OR51B5: variants seen among roughly 807,000 people sequenced by gnomAD.
OR51B5 encodes olfactory receptor family 51 subfamily B member 5.
For missense variants in OR51B5, 456 were observed against 374.6 expected (o/e 1.22, Z -1.79); for synonymous variants, 186 against 144.8 (o/e 1.28, Z -2.04).
In OR51B5 at chr11:5,422,821, CATT is replaced by C. The variant is rs1333538982; in HGVS notation, n.85-75914_85-75912del. 3.7e-6 allele frequency: 6 copies of C among 1,614,008 alleles called. No homozygotes were observed. The African/African-American group carries it at 8.0e-5, about 22-fold the overall frequency. On this transcript the variant is annotated intron_variant and non_coding_transcript_variant, in intron 1 of 4. Transcript: ENST00000415970. ...GGTATGGATTTGCTCTTGCCTTGCT[CATT>C]ATTATCGTGGATCCTCTGCTCATTG...
intron 1 of OR51B5, among the ~76,000 whole-genome samples, chr11:5,460,626 T>G (rs2467217): frequency 0.32 from 48,215 of 152,012 alleles, 7,751 homozygotes; most frequent in East Asian, 0.43. Context: ...GGGAGCTGGT[T>G]CAGTCACTGG....
chr11:5,348,134 G>C (rs923431947), upstream of OR51B5, among the ~76,000 whole-genome samples: 1 of 152,062 alleles, frequency 6.6e-6, no homozygotes, highest in Non-Finnish European at 1.5e-5. Context: ...ATATGTAGTA[G>C]GCATGGGTCC....
At chr11:5,422,993 C>T (rs376977023) in intron 1 of OR51B5, 35 of 1,614,004 alleles carry the variant, frequency 2.2e-5, no homozygotes, top group African/African-American at 1.1e-4. Context: ...TATGACTCAT[C>T]GCTTTGCCAA....
chr11:5,433,877 T>C (rs1197215136), intron 1 of OR51B5, among the ~76,000 whole-genome samples: 4 of 151,960 alleles, frequency 2.6e-5, no homozygotes, highest in Non-Finnish European at 4.4e-5. Context: ...ACAAGAGCAA[T>C]GTAATTATGA....
At chr11:5,394,788 C>A (rs1173669825) in intron 1 of OR51B5, among the ~76,000 whole-genome samples, 3 of 152,158 alleles carry the variant, frequency 2.0e-5, no homozygotes, top group African/African-American at 7.2e-5. Context: ...TTTTTCACAT[C>A]AACCTCCTGC....
intron 1 of OR51B5, among the ~76,000 whole-genome samples, chr11:5,377,839 A>G (rs963643493): frequency 5.9e-5 from 9 of 152,126 alleles, no homozygotes; most frequent in African/African-American, 2.2e-4. Flanking sequence ...AGAACATTCC[A>G]TGCTTATGGG....
intron 1 of OR51B5, chr11:5,456,497 A>G (rs1279155925): frequency 6.6e-6 from 1 of 152,046 alleles, no homozygotes; most frequent in Non-Finnish European, 1.5e-5. Context: ...TTTATTTAAC[A>G]TAATCTTTTT....
At chr11:5,363,855 C>T (rs1280310346) in intron 1 of OR51B5, among the ~76,000 whole-genome samples, 1 of 152,034 alleles carries the variant, frequency 6.6e-6, no homozygotes, top group Non-Finnish European at 1.5e-5. Context: ...AATTATGTTC[C>T]CTAGCTGTCT....
chr11:5,382,490 C>T (rs1176479763), intron 1 of OR51B5, among the ~76,000 whole-genome samples: 1 of 152,120 alleles, frequency 6.6e-6, no homozygotes, highest in Non-Finnish European at 1.5e-5. Context: ...TGAATAATAG[C>T]AATATTTGCT....
At chr11:5,346,015 G>A (rs1389831714), upstream of OR51B5, 1 of 152,156 alleles carries the variant, frequency 6.6e-6, no homozygotes, top group African/African-American at 2.4e-5. Context: ...TGTGTTCTAT[G>A]TACTTCATTT....
intron 1 of OR51B5, chr11:5,423,084 G>C (rs2133762015): frequency 6.2e-7 from 1 of 1,613,990 alleles, no homozygotes; most frequent in South Asian, 1.1e-5. Context: ...ATCATTTACA[G>C]TGTAAAGAAC....
Position 5,396,084 on chromosome 11 carries a change from T to C in OR51B5, n.85-49174A>G, listed in dbSNP as rs1304963941. Among the ~76,000 whole-genome samples, 6 of 152,216 alleles carry C rather than the reference T, an allele frequency of 3.9e-5. No homozygotes were observed. In the South Asian group the frequency reaches 1.0e-3, roughly 26 times the overall value. On this transcript the variant is annotated intron_variant and non_coding_transcript_variant, in intron 1 of 4. Transcript: ENST00000415970. ...GAGTGAAGAGCTATTGAAGTTATGA[T>C]TGTAATACAGATCTGGTCCCAGAGA... is the stretch of plus-strand genomic sequence containing the variant.
intron 1 of OR51B5, among the ~76,000 whole-genome samples, chr11:5,406,000 A>T (rs565492635): frequency 1.3e-5 from 2 of 152,330 alleles, no homozygotes; most frequent in Admixed American, 1.3e-4. Context: ...TGAGATGAGA[A>T]GAGAAGAAAC....
intron 1 of OR51B5, among the ~76,000 whole-genome samples, chr11:5,385,032 C>G (rs1849664922): frequency 6.6e-6 from 1 of 152,142 alleles, no homozygotes; most frequent in Admixed American, 6.5e-5. Flanking sequence ...ATATTAAATT[C>G]AAACAAAAGA....
chr11:5,492,560 A>T (rs939648595), intron 1 of OR51B5, among the ~76,000 whole-genome samples: 3 of 152,194 alleles, frequency 2.0e-5, no homozygotes, highest in Non-Finnish European at 4.4e-5. Context: ...AGGCAAGACA[A>T]GACACACTTT....
At chr11:5,415,693 C>T (rs1223216088) in intron 1 of OR51B5, among the ~76,000 whole-genome samples, 2 of 152,014 alleles carry the variant, frequency 1.3e-5, no homozygotes, top group African/African-American at 4.8e-5. Flanking sequence ...GGATAAATTC[C>T]TCGACACATA....
At chr11:5,376,382 C>T (rs945014146) in intron 1 of OR51B5, among the ~76,000 whole-genome samples, 3 of 151,936 alleles carry the variant, frequency 2.0e-5, no homozygotes, top group Non-Finnish European at 4.4e-5. Context: ...AATTGACACC[C>T]TAACATCACA....
At chr11:5,475,608 C>T (rs1157680384) in intron 1 of OR51B5, among the ~76,000 whole-genome samples, 1 of 152,168 alleles carries the variant, frequency 6.6e-6, no homozygotes, top group African/African-American at 2.4e-5. Flanking sequence ...TCTTGTCTAA[C>T]ATCTTGCAGA....
chr11:5,397,275 C>A (rs371323256), intron 1 of OR51B5, among the ~76,000 whole-genome samples: 24,378 of 151,762 alleles, frequency 0.16, 2,397 homozygotes, highest in African/African-American at 0.29. Context: ...GCAACCTACA[C>A]AATGGGAGAA....
Sources: allele counts gnomAD v4.1 joint callset (sites outside exome capture counted in the v4.1 genomes callset), GRCh38; gene constraint gnomAD v4.1.1; transcripts MANE v1.5; gene names NCBI Gene and HGNC (gene_info 2026-07-23, HGNC 2026-07-21).